Variants in NOSTRIN observed in about 807,000 individuals in gnomAD.
The protein encoded by NOSTRIN is BM247 homolog.
A neutral mutation model predicts 59.0 loss-of-function variants in NOSTRIN; 63 were observed. The observed-to-expected ratio is 1.07, with a 90% CI of 0.87 to 1.32. The LOEUF (loss-of-function observed/expected upper bound fraction) is 1.32, where lower values mean the gene tolerates loss of function less well. NOSTRIN is among the 40% of genes most tolerant of loss of function. The pLI, the probability that NOSTRIN is intolerant of heterozygous loss-of-function variation, is 0.00. For missense variants in NOSTRIN, 512 were observed against 473.1 expected (o/e 1.08, Z -0.76); for synonymous variants, 200 against 165.4 (o/e 1.21, Z -1.61).
At chr2:168,847,054 A>G (rs1364754096) in intron 8 of NOSTRIN, among the ~76,000 whole-genome samples, 1 of 152,262 alleles carries the variant, frequency 6.6e-6, no homozygotes, top group Non-Finnish European at 1.5e-5. Context: ...CAAATGTCCA[A>G]CATTAAAGGG....
chr2:168,829,895 G>A (rs1172320967), intron 5 of NOSTRIN, among the ~76,000 whole-genome samples: 3 of 152,160 alleles, frequency 2.0e-5, no homozygotes, highest in Non-Finnish European at 4.4e-5. Context: ...TCAGTGGCAA[G>A]TCAGAAGGAT....
At chr2:168,852,704 G>A (rs1022314780) in intron 10 of NOSTRIN, among the ~76,000 whole-genome samples, 1 of 152,138 alleles carries the variant, frequency 6.6e-6, no homozygotes, top group Non-Finnish European at 1.5e-5. Context: ...AGGCAGAGGT[G>A]GTTAGATCAG....
At chr2:168,795,193 T>C (rs1685448931), upstream of NOSTRIN, among the ~76,000 whole-genome samples, 1 of 152,214 alleles carries the variant, frequency 6.6e-6, no homozygotes, top group Admixed American at 6.5e-5. Context: ...TGGCACTTTA[T>C]TTACATATGC....
At chr2:168,852,689 G>A (rs2105761319) in intron 10 of NOSTRIN, among the ~76,000 whole-genome samples, 1 of 152,168 alleles carries the variant, frequency 6.6e-6, no homozygotes, top group East Asian at 1.9e-4. Context: ...CAACAAGACG[G>A]TAGAAGGCAG....
At chr2:168,839,884 C>CA (rs58341006) in intron 7 of NOSTRIN, among the ~76,000 whole-genome samples, 6,724 of 31,184 alleles carry the variant, frequency 0.22, 948 homozygotes, top group Middle Eastern at 0.29. Context: ...GACTCCGTCT[C>CA]AAAAAAAAAA....
chr2:168,863,909 C>CT (rs761612290), intron 15 of NOSTRIN, among the ~76,000 whole-genome samples: 1 of 151,514 alleles, frequency 6.6e-6, no homozygotes, highest in Non-Finnish European at 1.5e-5. Flanking sequence ...CCAACGTGAT[C>CT]TTTTTTTATT....
At chr2:168,861,222 G>A (rs929786673) in intron 14 of NOSTRIN, among the ~76,000 whole-genome samples, 7 of 152,036 alleles carry the variant, frequency 4.6e-5, no homozygotes, top group African/African-American at 7.2e-5. Context: ...GAGCTTTGTC[G>A]CTCTGTCTCC....
At chr2:168,793,246 C>T (rs530104386), upstream of NOSTRIN, among the ~76,000 whole-genome samples, 1 of 152,154 alleles carries the variant, frequency 6.6e-6, no homozygotes, top group African/African-American at 2.4e-5. Flanking sequence ...CCCCACTCTT[C>T]CTAATCCTTA....
chr2:168,805,214 C>T (rs529956082), intron 1 of NOSTRIN, among the ~76,000 whole-genome samples: 1 of 152,264 alleles, frequency 6.6e-6, no homozygotes, highest in Non-Finnish European at 1.5e-5. Context: ...GCCTTTCAAC[C>T]TCAAAGAGCA....
chr2:168,840,572 G>C (rs74271846), intron 7 of NOSTRIN, among the ~76,000 whole-genome samples: 2 of 150,602 alleles, frequency 1.3e-5, no homozygotes, highest in Admixed American at 1.3e-4. Flanking sequence ...GATATGTCCT[G>C]TGTAGGTCAT....
chr2:168,837,143 G>C (rs1007430794), intron 7 of NOSTRIN, among the ~76,000 whole-genome samples: 4 of 152,070 alleles, frequency 2.6e-5, no homozygotes, highest in African/African-American at 9.7e-5. Context: ...AATCTGGTGG[G>C]AGGGCACAAA....
At chr2:168,798,824 T>TAGAC (rs1553519850), upstream of NOSTRIN, among the ~76,000 whole-genome samples, 285 of 150,614 alleles carry the variant, frequency 1.9e-3, no homozygotes, top group South Asian at 3.4e-3. Flanking sequence ...GATAGATAGA[T>TAGAC]AGACAGACAG....
intron 7 of NOSTRIN, among the ~76,000 whole-genome samples, 182 bp downstream of exon 7, chr2:168,834,507 G>GCGCGCGCGCGCACACACACA (rs756381301): frequency 1.9e-4 from 24 of 125,432 alleles, no homozygotes; most frequent in East Asian, 7.1e-4. Flanking sequence ...GCGCGCGCGC[G>GCGCGCGCGCGCACACACACA]CACACACACA....
At chr2:168,848,964 A>G (rs1483398353) in intron 8 of NOSTRIN, among the ~76,000 whole-genome samples, 2 of 152,248 alleles carry the variant, frequency 1.3e-5, no homozygotes, top group African/African-American at 4.8e-5. Context: ...TACCATAATT[A>G]AAAGTATAAA....
chr2:168,817,111 G>A (rs1000621297), intron 2 of NOSTRIN, among the ~76,000 whole-genome samples: 1 of 152,146 alleles, frequency 6.6e-6, no homozygotes, highest in Admixed American at 6.5e-5. Flanking sequence ...AACCCACAGC[G>A]TACATACTTC....
intron 10 of NOSTRIN, among the ~76,000 whole-genome samples, chr2:168,852,757 T>A (rs968503307): frequency 6.6e-6 from 1 of 152,188 alleles, no homozygotes; most frequent in Non-Finnish European, 1.5e-5. Context: ...TCCCCACCCT[T>A]CAGACAGCAG....
chr2:168,824,492 T>A (rs1686942479), intron 2 of NOSTRIN, 142 bp from the exon 3 acceptor site: 1 of 548,172 alleles, frequency 1.8e-6, no homozygotes, highest in Admixed American at 3.0e-5. Flanking sequence ...AGAGACTGGG[T>A]TTCACCATGT....
chr2:168,802,818 T>C, intron 1 of NOSTRIN, 145 bp downstream of exon 1: 1 of 718,836 alleles, frequency 1.4e-6, no homozygotes, highest in South Asian at 1.6e-5. Context: ...AAGTTTGTGG[T>C]TTTTCTTTGG....
chr2:168,844,636 A>C (rs1362946015), intron 8 of NOSTRIN, among the ~76,000 whole-genome samples: 4 of 152,136 alleles, frequency 2.6e-5, no homozygotes, highest in Admixed American at 6.5e-5. Context: ...TTTGGGAGGC[A>C]GAGGCGGGCG....
Sources: allele counts gnomAD v4.1 joint callset (sites outside exome capture counted in the v4.1 genomes callset), GRCh38; gene constraint gnomAD v4.1.1; transcripts MANE v1.5; gene names NCBI Gene and HGNC (gene_info 2026-07-23, HGNC 2026-07-21).